MYO18B: variants seen among roughly 807,000 people sequenced by gnomAD.
The protein encoded by MYO18B is myosin XVIIIB.
A neutral mutation model predicts 273.0 loss-of-function variants in MYO18B; 204 were observed. The observed-to-expected ratio is 0.75, with a 90% CI of 0.67 to 0.84. The LOEUF is 0.84. Ranked by LOEUF, MYO18B falls within the 40% of genes least tolerant of loss-of-function variation. The pLI is 0.00. For missense variants in MYO18B, 3,212 were observed against 3,287.6 expected (o/e 0.98, Z 0.56); for synonymous variants, 1,330 against 1,305.7 (o/e 1.02, Z -0.40).
At chr22:25,965,949 A>C (rs2092973135) in intron 39 of MYO18B, among the ~76,000 whole-genome samples, 1 of 152,172 alleles carries the variant, frequency 6.6e-6, no homozygotes, top group Non-Finnish European at 1.5e-5. Context: ...AAAGGCTCTT[A>C]ATCAAGTCTC....
intron 12 of MYO18B, among the ~76,000 whole-genome samples, chr22:25,804,450 G>A (rs1685077875): frequency 6.6e-6 from 1 of 152,248 alleles, no homozygotes; most frequent in Admixed American, 6.5e-5. Context: ...TGCAGTTGTG[G>A]CTCAGAGAGG....
At position 25,947,533 on chromosome 22, in the gene MYO18B, CACACACA is replaced by C. The variant is rs1569223352; in HGVS notation, c.5632-178_5632-172del. Among the ~76,000 whole-genome samples the C allele has an allele frequency of 1.1e-4, 16 of 145,496 alleles. No individual in the cohort carries two copies. The South Asian group carries it at 1.7e-3, about 15-fold the overall frequency. ...ACACACACACACACACACACACACA[CACACACA>C]CACCAAGCTGTTATACCTACCACAT... On this transcript the variant is annotated intron_variant, in intron 35 of 43. Coordinates refer to ENST00000335473, the MANE Select transcript of MYO18B (RefSeq NM_032608.7).
At chr22:25,760,591 G>A (rs771878877) in intron 1 of MYO18B, among the ~76,000 whole-genome samples, 5 of 152,038 alleles carry the variant, frequency 3.3e-5, no homozygotes, top group Non-Finnish European at 7.4e-5. Flanking sequence ...AAAAGCGAAT[G>A]GCTCCTCTGA....
In MYO18B at chr22:25,874,749, C is replaced by T. The variant is rs1363930391; in HGVS notation, c.4080+335C>T. On this transcript the variant is annotated intron_variant, in intron 23 of 43. Coordinates refer to ENST00000335473, the MANE Select transcript of MYO18B (RefSeq NM_032608.7). ...GCCCAGCCACTGAGGTTTTGGGGAC[C>T]AAAGGCCAAGTCAAGCTTGAAGCAC... Among the ~76,000 whole-genome samples, 5 of 152,144 alleles carry T rather than the reference C, an allele frequency of 3.3e-5. No homozygotes were observed. The East Asian group carries it at 9.6e-4, about 29-fold the overall frequency.
chr22:25,772,637 C>A, intron 7 of MYO18B, 127 bp downstream of exon 7: 1 of 943,322 alleles, frequency 1.1e-6, no homozygotes, highest in South Asian at 1.7e-5. Context: ...AAGCAGCATC[C>A]TTCTCGCGGC....
At chr22:25,885,738 T>C (rs942479278) in intron 25 of MYO18B, among the ~76,000 whole-genome samples, 2 of 152,118 alleles carry the variant, frequency 1.3e-5, no homozygotes, top group African/African-American at 4.8e-5. Flanking sequence ...ATCTTAGGAT[T>C]ATTTCCTCTT....
chr22:25,973,397 C>T (rs956175971), intron 39 of MYO18B, among the ~76,000 whole-genome samples: 6 of 152,174 alleles, frequency 3.9e-5, no homozygotes, highest in African/African-American at 1.4e-4. Context: ...GAACACAGAA[C>T]GTAGGACAGA....
intron 42 of MYO18B, among the ~76,000 whole-genome samples, chr22:26,014,475 G>A (rs764307138): frequency 2.0e-5 from 3 of 152,170 alleles, no homozygotes; most frequent in Non-Finnish European, 2.9e-5. Flanking sequence ...TTCACCTTCA[G>A]TGTATTTCCC....
chr22:25,850,479 A>G (rs1473442424), intron 20 of MYO18B, among the ~76,000 whole-genome samples: 1 of 152,204 alleles, frequency 6.6e-6, no homozygotes, highest in African/African-American at 2.4e-5. Context: ...GGATGATAAC[A>G]TAGGCCCATG....
chr22:25,931,681 C>CTTTT (rs71311530), intron 34 of MYO18B, among the ~76,000 whole-genome samples: 5 of 123,528 alleles, frequency 4.0e-5, no homozygotes, highest in Non-Finnish European at 6.8e-5. Flanking sequence ...TTTCTTTTTT[C>CTTTT]TTTTTTTTTT....
chr22:26,033,869 CTTCTTTCT>C (rs1396385371), downstream of MYO18B, among the ~76,000 whole-genome samples: 1 of 141,448 alleles, frequency 7.1e-6, no homozygotes, highest in African/African-American at 2.9e-5. Flanking sequence ...TCCTCCCTTC[CTTCTTTCT>C]TTCTTTCCTT....
chr22:25,994,728 A>G lies in MYO18B; in HGVS notation c.6287+2235A>G, dbSNP rs200537816. On this transcript the variant is annotated intron_variant, in intron 40 of 43. Coordinates refer to ENST00000335473, the MANE Select transcript of MYO18B (RefSeq NM_032608.7). ...TCCTCCTGTTTTATTAATTAGTGTC[A>G]TGGCAGAACTTAGTGTAATTACAAA... Among the ~76,000 whole-genome samples the G allele has an allele frequency of 1.6e-4, 24 of 152,258 alleles. No individual in the cohort carries two copies. The East Asian group carries it at 4.1e-3, about 26-fold the overall frequency.
rs1167404295 is a variant in MYO18B, at chr22:25,955,301, G to A, written c.6093G>A (p.Leu2031=). ...ACTACCAGCGGCGCCTGGAAGAGCT[G>A]AAGGCCGACATGGAAGAGCTGGTGC... is the stretch of plus-strand genomic sequence containing the variant. ...SQYYQRRLEE[L]KADMEELVQR... The change falls in exon 39 of 44, where the codon CTG becomes CTA. Residue 2031 remains leucine, a synonymous_variant. Coordinates refer to ENST00000335473, the MANE Select transcript of MYO18B (RefSeq NM_032608.7). The A allele has an allele frequency of 1.4e-5, 22 of 1,613,882 alleles. No homozygotes were observed. The highest frequency in any genetic ancestry group is 1.9e-5 in the Non-Finnish European group (22 of 1,179,844).
At chr22:26,003,196 G>A (rs372431274) in intron 40 of MYO18B, 69 bp from the exon 41 acceptor site, 1,474 of 1,404,486 alleles carry the variant, frequency 1.0e-3, no homozygotes, top group Admixed American at 2.6e-3. Context: ...TCTGTCTAAC[G>A]TCAATAACCA....
chr22:25,830,910 C>A (rs780473115), intron 15 of MYO18B, among the ~76,000 whole-genome samples: 3 of 152,168 alleles, frequency 2.0e-5, no homozygotes, highest in African/African-American at 4.8e-5. Flanking sequence ...ATTTAATGAA[C>A]AAGAATAAAG....
chr22:25,812,443 T>G (rs2088807324), intron 12 of MYO18B, among the ~76,000 whole-genome samples: 1 of 152,176 alleles, frequency 6.6e-6, no homozygotes, highest in Non-Finnish European at 1.5e-5. Flanking sequence ...CAGAGTACAT[T>G]TACTTCCCCT....
rs527763539 is a variant in MYO18B, at chr22:25,837,893, CA to C, written c.3208+2451del. Among the ~76,000 whole-genome samples, 11 of 152,114 alleles carry C rather than the reference CA, an allele frequency of 7.2e-5. No individual in the cohort carries two copies. The South Asian group carries it at 2.1e-3, about 29-fold the overall frequency. ...TTTTCATTTTTTTAAATTTTAAGGT[CA>C]GGGGTACATGTGCAGGATGTGGAGG... is the stretch of plus-strand genomic sequence containing the variant. On this transcript the variant is annotated intron_variant, in intron 17 of 43. Coordinates refer to ENST00000335473, the MANE Select transcript of MYO18B (RefSeq NM_032608.7).
chr22:25,763,390 G>A lies in MYO18B; in HGVS notation c.198+1G>A. ...AGCTGTCGCCTCTCCAGAACGAGAG[G>A]TAAGTGGTTCCTAAGAAGGAGGACC... On this transcript the variant is annotated splice_donor_variant, in intron 3 of 43. Transcript: ENST00000335473. LOFTEE classifies it high-confidence loss of function. 1 of 1,607,040 alleles carries A rather than the reference G, an allele frequency of 6.2e-7. No homozygotes were observed.
chr22:25,794,398 G>GTTTTAAT (rs879389625), intron 11 of MYO18B, among the ~76,000 whole-genome samples: 2,394 of 151,678 alleles, frequency 0.016, 53 homozygotes, highest in African/African-American at 0.054. Context: ...GTAGAGACAG[G>GTTTTAAT]GTCTCACTCT....
Sources: allele counts gnomAD v4.1 joint callset (sites outside exome capture counted in the v4.1 genomes callset), GRCh38; gene constraint gnomAD v4.1.1; transcripts MANE v1.5; gene names NCBI Gene and HGNC (gene_info 2026-07-23, HGNC 2026-07-21).